KPNA7: variants seen among roughly 807,000 people sequenced by gnomAD.
KPNA7 encodes the protein importin subunit alpha-8.
In KPNA7, 54 loss-of-function variants were observed where a neutral mutation model predicts 53.7. The ratio of observed to expected loss-of-function variants is 1.01; its 90% CI spans 0.81 to 1.26. KPNA7 has a LOEUF of 1.26. Ranked by LOEUF, KPNA7 falls within the 50% of genes most tolerant of loss-of-function variation. The pLI, the probability that KPNA7 is intolerant of heterozygous loss-of-function variation, is 0.00. For synonymous variants in KPNA7, 276 were observed against 259.3 expected (o/e 1.06, Z -0.62); for missense variants, 640 against 644.5 (o/e 0.99, Z 0.07).
At chr7:99,187,283 G>A (rs1039130508) in intron 7 of KPNA7, among the ~76,000 whole-genome samples, 1 of 152,048 alleles carries the variant, frequency 6.6e-6, no homozygotes, top group Non-Finnish European at 1.5e-5. Context: ...GAGAGACTCC[G>A]TCTCACACAC....
Position 99,181,953 on chromosome 7 carries a change from AC to A in KPNA7, c.1246del (p.Val416Ter). On this transcript the variant is annotated frameshift_variant, in exon 9 of 11. Coordinates refer to ENST00000327442, the MANE Select transcript of KPNA7 (RefSeq NM_001145715.3). LOFTEE classifies it high-confidence loss of function. ...AACATCTGGGGCAGTGAGCAGATTC[AC>A]CAGTGGCTCCAGGACCCCAGAGTGG... ...LVHSGVLEPL[V>X]NLLTAPDVKI... 6.4e-7 allele frequency: 1 copy of A among 1,551,516 alleles called. No homozygotes were observed. Among genetic ancestry groups the A allele is most frequent in the East Asian group, 2.4e-5 (1 of 40,916 alleles).
chr7:99,177,243 G>GTAGT (rs1228619017), intron 10 of KPNA7, among the ~76,000 whole-genome samples: 1 of 152,178 alleles, frequency 6.6e-6, no homozygotes, highest in African/African-American at 2.4e-5. Flanking sequence ...TGGGGACTTT[G>GTAGT]TAGTTAACGG....
At chr7:99,162,405 T>C in the KPNA7 span, among the ~76,000 whole-genome samples, 1 of 152,120 alleles carries the variant, frequency 6.6e-6, no homozygotes, top group Non-Finnish European at 1.5e-5. Flanking sequence ...TCAAAGTTGT[T>C]CCAGTTCAGT....
intron 4 of KPNA7, 31 bp from the exon 5 acceptor site, chr7:99,195,369 G>A (rs1250754957): frequency 6.5e-7 from 1 of 1,544,448 alleles, no homozygotes; most frequent in South Asian, 1.2e-5. Context: ...CAGGGGAGGG[G>A]GAGGTCAAGT....
At chr7:99,211,934 A>T (rs1419471861), upstream of KPNA7, among the ~76,000 whole-genome samples, 1 of 152,152 alleles carries the variant, frequency 6.6e-6, no homozygotes. Context: ...TGGTTTAAAC[A>T]TTCACGAAGC....
chr7:99,163,268 A>G, the KPNA7 span, among the ~76,000 whole-genome samples: 3 of 149,336 alleles, frequency 2.0e-5, no homozygotes, highest in African/African-American at 7.4e-5. Context: ...CATTTTTTCA[A>G]TATGTTTTTT....
At chr7:99,153,549 CAAAA>C in the KPNA7 span, among the ~76,000 whole-genome samples, 11 of 117,686 alleles carry the variant, frequency 9.3e-5, no homozygotes, top group Middle Eastern at 0.024. Context: ...GACACTGTCT[CAAAA>C]AAAAAAAAAA....
intron 2 of KPNA7, among the ~76,000 whole-genome samples, chr7:99,206,312 C>T (rs1751559387): frequency 6.6e-6 from 1 of 152,138 alleles, no homozygotes; most frequent in African/African-American, 2.4e-5. Context: ...AGGCCCCCGC[C>T]ACCATGCACA....
chr7:99,214,205 A>T (rs1056088923), intron 1 of KPNA7, among the ~76,000 whole-genome samples: 4 of 151,544 alleles, frequency 2.6e-5, no homozygotes, highest in Non-Finnish European at 5.9e-5. Context: ...CAAGGTGGGC[A>T]GATCCTCTGA....
At chr7:99,217,573 A>C (rs183136404) in intron 1 of KPNA7, among the ~76,000 whole-genome samples, 163 of 147,606 alleles carry the variant, frequency 1.1e-3, no homozygotes, top group Admixed American at 1.5e-3. Context: ...ACAGGAGAGG[A>C]CAGCCAGGGA....
the KPNA7 span, among the ~76,000 whole-genome samples, chr7:99,164,689 G>A: frequency 6.6e-6 from 1 of 152,028 alleles, no homozygotes; most frequent in African/African-American, 2.4e-5. Context: ...CCAAAAAGGA[G>A]GCCTGGAGAG....
At chr7:99,163,376 TA>T in the KPNA7 span, among the ~76,000 whole-genome samples, 1,192 of 67,800 alleles carry the variant, frequency 0.018, 17 homozygotes, top group African/African-American at 0.041. Context: ...TATATATATA[TA>T]TATATATTTT....
the KPNA7 span, among the ~76,000 whole-genome samples, chr7:99,153,395 A>G: frequency 1.3e-5 from 2 of 152,098 alleles, no homozygotes; most frequent in Admixed American, 6.6e-5. Context: ...CCATCTCTAC[A>G]AAGATACAAA....
At chr7:99,194,456 G>A (rs1255382774) in intron 5 of KPNA7, among the ~76,000 whole-genome samples, 3 of 152,184 alleles carry the variant, frequency 2.0e-5, no homozygotes, top group African/African-American at 4.8e-5. Flanking sequence ...CTCCCACACT[G>A]CATAAGCCAA....
chr7:99,183,692 C>T (rs1394376993), intron 8 of KPNA7, among the ~76,000 whole-genome samples: 1 of 152,114 alleles, frequency 6.6e-6, no homozygotes, highest in Non-Finnish European at 1.5e-5. Flanking sequence ...CCCCATGAGA[C>T]TCCACCTGCC....
chr7:99,191,283 G>T (rs1584289656), intron 6 of KPNA7, among the ~76,000 whole-genome samples: 1 of 150,554 alleles, frequency 6.6e-6, no homozygotes, highest in East Asian at 2.0e-4. Flanking sequence ...TCAGCCTCCT[G>T]AGTAGCTGGG....
the KPNA7 span, among the ~76,000 whole-genome samples, chr7:99,152,562 C>T: frequency 0.012 from 1,783 of 152,160 alleles, 35 homozygotes; most frequent in African/African-American, 0.041. Context: ...CTTATCTAGA[C>T]AGTTTCTAAA....
At chr7:99,155,740 T>C in the KPNA7 span, among the ~76,000 whole-genome samples, 1 of 151,722 alleles carries the variant, frequency 6.6e-6, no homozygotes, top group African/African-American at 2.4e-5. Context: ...TTTTTTTGTA[T>C]TTTTTATAGA....
chr7:99,181,756 T>TCCA, intron 9 of KPNA7, 127 bp downstream of exon 9: 1 of 792,888 alleles, frequency 1.3e-6, no homozygotes. Context: ...GGCCTCAAAT[T>TCCA]CCTGACCTCA....
Sources: allele counts gnomAD v4.1 joint callset (sites outside exome capture counted in the v4.1 genomes callset), GRCh38; gene constraint gnomAD v4.1.1; transcripts MANE v1.5; gene names NCBI Gene and HGNC (gene_info 2026-07-23, HGNC 2026-07-21).